Variants in LAMA1 observed in about 807,000 individuals in gnomAD.
LAMA1 encodes the protein laminin subunit alpha-1.
Under a neutral mutation model 348.7 loss-of-function variants are expected in LAMA1, and 219 were observed. The ratio of observed to expected loss-of-function variants is 0.63; its 90% confidence interval spans 0.56 to 0.70. The LOEUF (loss-of-function observed/expected upper bound fraction) is 0.70, where lower values mean the gene tolerates loss of function less well. LAMA1 is among the 30% of genes least tolerant of loss of function. The probability of loss-of-function intolerance (pLI) is 0.00; values close to 1 mark genes in which losing one functional copy is unlikely to be tolerated. For synonymous variants in LAMA1, 1,487 were observed against 1,491.0 expected (o/e 1.00, Z 0.06); for missense variants, 3,744 against 3,888.0 (o/e 0.96, Z 0.99).
chr18:7,032,966 G>A lies in LAMA1; in HGVS notation c.2163+18C>T, dbSNP rs762926771. 1.0e-5 allele frequency: 16 copies of A among 1,565,126 alleles called. No individual in the cohort carries two copies. Among genetic ancestry groups the A allele is most frequent in the African/African-American group, 2.7e-5 (2 of 73,434 alleles). On this transcript the variant is annotated intron_variant, in intron 15 of 62. Coordinates refer to ENST00000389658, the MANE Select transcript of LAMA1 (RefSeq NM_005559.4). ...AGGAAGGAACGAAAGGAAAAAGACA[G>A]GAAGAGAGAAGCGTCACCTCACAGG...
At chr18:7,076,572 AT>A (rs1568057470) in intron 3 of LAMA1, among the ~76,000 whole-genome samples, 3 of 151,760 alleles carry the variant, frequency 2.0e-5, no homozygotes, top group South Asian at 2.1e-4. Context: ...ATTCAATAGC[AT>A]TTTTTTTAAG....
intron 11 of LAMA1, 124 bp from the exon 12 acceptor site, chr18:7,037,875 A>C: frequency 1.1e-6 from 1 of 902,966 alleles, no homozygotes; most frequent in Admixed American, 2.0e-5. Flanking sequence ...GATGGCATTA[A>C]CATAACACCT....
At chr18:6,965,682 T>C in intron 49 of LAMA1, 1 of 519,384 alleles carries the variant, frequency 1.9e-6, no homozygotes, top group South Asian at 2.2e-5. Context: ...TGGAATCTCC[T>C]CGTATCTTTT....
chr18:7,041,729 G>A (rs1440892640), intron 9 of LAMA1, among the ~76,000 whole-genome samples: 1 of 152,194 alleles, frequency 6.6e-6, no homozygotes, highest in Non-Finnish European at 1.5e-5. Flanking sequence ...TATTTACTGT[G>A]TTCCACGCAT....
chr18:6,986,474 A>G (rs756925033), intron 36 of LAMA1, 127 bp from the exon 37 acceptor site: 5 of 796,804 alleles, frequency 6.3e-6, no homozygotes, highest in African/African-American at 3.5e-5. Flanking sequence ...GTGATACATC[A>G]TAACTTCTTA....
chr18:7,007,282 G>T lies in LAMA1; in HGVS notation c.4123-6C>A, dbSNP rs2144107405. On this transcript the variant is annotated splice_region_variant and splice_polypyrimidine_tract_variant and intron_variant, in intron 28 of 62. Transcript: ENST00000389658. Reference sequence around the variant, plus strand: ...TGGTACCCAGGGGCGCAGTCCTGAGGGGGTGCAAAAGGGAGGACAAAAAAG... The same window carrying T: ...TGGTACCCAGGGGCGCAGTCCTGAGTGGGTGCAAAAGGGAGGACAAAAAAG... 2 of 1,613,028 alleles carry T rather than the reference G, an allele frequency of 1.2e-6. No individual in the cohort carries two copies. The highest frequency in any genetic ancestry group is 1.7e-6 in the Non-Finnish European group (2 of 1,179,372).
chr18:7,089,127 T>G (rs1377968466), intron 1 of LAMA1, among the ~76,000 whole-genome samples: 3 of 152,040 alleles, frequency 2.0e-5, no homozygotes, highest in Non-Finnish European at 4.4e-5. Context: ...GCCTGTAATC[T>G]CAGCACGTTC....
At chr18:6,971,806 C>T in intron 48 of LAMA1, 51 bp downstream of exon 48, 1 of 1,612,038 alleles carries the variant, frequency 6.2e-7, no homozygotes, top group East Asian at 2.2e-5. Context: ...CAGCACTTCT[C>T]AGATGTTAAC....
chr18:6,958,388 AAACAG>A, intron 55 of LAMA1, 84 bp downstream of exon 55: 1 of 1,443,574 alleles, frequency 6.9e-7, no homozygotes, highest in Non-Finnish European at 9.7e-7. Context: ...TTTCAATCTC[AAACAG>A]TACAATGAGA....
chr18:6,949,809 A>G (rs2057538267), intron 58 of LAMA1, among the ~76,000 whole-genome samples: 1 of 152,220 alleles, frequency 6.6e-6, no homozygotes, highest in Non-Finnish European at 1.5e-5. Flanking sequence ...TGTAAAATTA[A>G]GGAAATGCCA....
chr18:6,957,563 A>G (rs564477531), intron 55 of LAMA1: 3 of 152,400 alleles, frequency 2.0e-5, no homozygotes, highest in African/African-American at 7.2e-5. Flanking sequence ...TCACTAGACA[A>G]GTCAGTGACC....
At chr18:7,030,728 G>A (rs569237) in intron 16 of LAMA1, among the ~76,000 whole-genome samples, 34,155 of 151,902 alleles carry the variant, frequency 0.22, 4,287 homozygotes, top group African/African-American at 0.34. Context: ...TCACTTTAAT[G>A]TGAATATATA....
rs654284 is a variant in LAMA1, at chr18:7,015,658, G to A, written c.3126+64C>T. 11,386 of 1,584,378 alleles carry A rather than the reference G, an allele frequency of 7.2e-3. 677 individuals are homozygous for A. The African/African-American group carries it at 0.13, about 18-fold the overall frequency. ...AGTCCAGAAAATATATAGAAGAACAGGCCTGAAACTTGCTACAGCAAAGCA... is the reference window on the plus strand; with the variant it reads ...AGTCCAGAAAATATATAGAAGAACAAGCCTGAAACTTGCTACAGCAAAGCA... On this transcript the variant is annotated intron_variant, in intron 22 of 62. Coordinates refer to ENST00000389658, the MANE Select transcript of LAMA1 (RefSeq NM_005559.4).
chr18:6,959,656 T>A, intron 53 of LAMA1, 164 bp from the exon 54 acceptor site: 1 of 733,510 alleles, frequency 1.4e-6, no homozygotes, highest in South Asian at 1.6e-5. Flanking sequence ...TATGTTACTT[T>A]CTAATCTCTG....
chr18:6,953,477 G>A (rs79739425), intron 57 of LAMA1, among the ~76,000 whole-genome samples: 2,847 of 152,236 alleles, frequency 0.019, 87 homozygotes, highest in African/African-American at 0.064. Context: ...TGTATATGAC[G>A]TTTAGGTACT....
Position 6,947,145 on chromosome 18 carries a change from TGGAGAGGAAGCACCCAC to T in LAMA1, c.8844+1_8844+17del. The T allele has an allele frequency of 6.2e-7, 1 of 1,614,168 alleles. No homozygotes were observed. The highest frequency in any genetic ancestry group is 8.5e-7 in the Non-Finnish European group (1 of 1,180,022). On this transcript the variant is annotated splice_donor_variant and splice_donor_5th_base_variant and intron_variant, in intron 61 of 62. Coordinates refer to ENST00000389658, the MANE Select transcript of LAMA1 (RefSeq NM_005559.4). LOFTEE classifies it high-confidence loss of function. ...GACACTGGGGGGAGGAAGACCCTCA[TGGAGAGGAAGCACCCAC>T]CTTGCCGTCCACAAGCTCTAGTCCA...
intron 1 of LAMA1, among the ~76,000 whole-genome samples, chr18:7,082,755 T>C (rs955256406): frequency 6.6e-6 from 1 of 152,226 alleles, no homozygotes; most frequent in African/African-American, 2.4e-5. Context: ...AGATTTACAG[T>C]ACAATCAACT....
rs760863493 is a variant in LAMA1, at chr18:6,985,243, A to C, written c.5654T>G (p.Leu1885Arg). Residue 1885 changes from leucine to arginine, a missense_variant, in exon 39 of 63, where the codon CTG becomes CGG. By Grantham distance (102) the Leu-to-Arg change is moderately radical. Transcript: ENST00000389658. ...AAEFQRLADVLYSGLENIRNV... is the reference protein window; with the variant it reads ...AAEFQRLADVRYSGLENIRNV... ...CACAAAGGCGTGTTCCTACCTGTAC[A>C]GAACATCTGCTAGTCTCTGGAACTC... 2 of 1,614,126 alleles carry C rather than the reference A, an allele frequency of 1.2e-6. No individual in the cohort carries two copies. Among genetic ancestry groups the C allele is most frequent in the Non-Finnish European group, 1.7e-6 (2 of 1,179,988 alleles).
rs570990824 is a variant in LAMA1 at position 6,965,575 on chromosome 18, G to C, written c.7051-143C>G. On this transcript the variant is annotated intron_variant, in intron 49 of 62. Transcript: ENST00000389658. ...CCACAGCCAGAGGTCTATCGGCTAC[G>C]AAACCAAAAATGCCCACGAAGGCTT... The C allele has an allele frequency of 9.0e-6, 8 of 887,914 alleles. No individual in the cohort carries two copies. In the Admixed American group the frequency reaches 1.1e-4, roughly 12 times the overall value. The allele number at this position is 887,914 out of a possible 1,614,324, so 55.0% of individuals were successfully genotyped here.
Sources: gnomAD v4.1 joint callset for allele counts (sites outside exome capture counted in the v4.1 genomes callset) on GRCh38, gnomAD v4.1.1 for gene constraint, MANE v1.5 for transcripts, NCBI Gene and HGNC (gene_info 2026-07-23, HGNC 2026-07-21) for gene names.